Variants in GRM8 observed in about 807,000 individuals in gnomAD.
GRM8 encodes glutamate metabotropic receptor 8.
GRM8 carries 47 observed loss-of-function variants against 87.2 expected under a neutral mutation model. The ratio of observed to expected loss-of-function variants is 0.54; its 90% CI spans 0.43 to 0.69. The LOEUF (loss-of-function observed/expected upper bound fraction) is 0.69, where lower values mean the gene tolerates loss of function less well. Among genes scored for constraint, GRM8 ranks in the 30% least tolerant of loss-of-function variants. GRM8 has a pLI of 0.00. For missense variants in GRM8, 1,019 were observed against 1,139.2 expected, an observed-to-expected ratio of 0.89 and a Z score of 1.52; for synonymous variants, 396 against 404.5, an observed-to-expected ratio of 0.98 and a Z score of 0.25.
At chr7:127,200,372 A>AG (rs1384200843) in intron 2 of GRM8, among the ~76,000 whole-genome samples, 1 of 152,224 alleles carries the variant, frequency 6.6e-6, no homozygotes, top group Non-Finnish European at 1.5e-5. Flanking sequence ...ATTTCAGTAA[A>AG]GTTATAAGAC....
intron 9 of GRM8, among the ~76,000 whole-genome samples, chr7:126,515,297 C>T (rs958849764): frequency 6.6e-6 from 1 of 152,040 alleles, no homozygotes; most frequent in African/African-American, 2.4e-5. Flanking sequence ...ATTGTACATT[C>T]ATATCCTTTG....
intron 8 of GRM8, among the ~76,000 whole-genome samples, chr7:126,592,432 A>G (rs1360072611): frequency 6.6e-6 from 1 of 152,044 alleles, no homozygotes; most frequent in African/African-American, 2.4e-5. Flanking sequence ...GATCTTCAGC[A>G]TTATCAAATG....
intron 2 of GRM8, among the ~76,000 whole-genome samples, chr7:127,224,138 A>G (rs1305111878): frequency 6.6e-6 from 1 of 152,180 alleles, no homozygotes; most frequent in Non-Finnish European, 1.5e-5. Flanking sequence ...AAAAGAGGGT[A>G]GGGCTAGAAA....
chr7:127,083,891 C>G lies in GRM8; in HGVS notation c.727+22605G>C, dbSNP rs569340235. On this transcript the variant is annotated intron_variant, in intron 3 of 10. Coordinates refer to ENST00000339582, the MANE Select transcript of GRM8 (RefSeq NM_000845.3). ...TTACCAACCACTGTAAGTAACACCC[C>G]CTCTAGACTATAAATCCCTAGGAGA... Among the ~76,000 whole-genome samples, 24 of 152,238 alleles carry G rather than the reference C, an allele frequency of 1.6e-4. No homozygotes were observed. In the East Asian group the frequency reaches 2.7e-3, roughly 17 times the overall value.
intron 8 of GRM8, among the ~76,000 whole-genome samples, chr7:126,585,756 T>C (rs1045444261): frequency 6.6e-6 from 1 of 152,146 alleles, no homozygotes; most frequent in Admixed American, 6.6e-5. Flanking sequence ...AAGCATTCCC[T>C]TTGAAAACTG....
intron 7 of GRM8, among the ~76,000 whole-genome samples, chr7:126,623,179 A>G (rs1017450292): frequency 1.3e-5 from 2 of 152,196 alleles, no homozygotes; most frequent in East Asian, 1.9e-4. Flanking sequence ...TCATACATGT[A>G]CCACATTCAT....
chr7:126,526,813 A>G (rs1269029800), intron 9 of GRM8, among the ~76,000 whole-genome samples: 2 of 152,254 alleles, frequency 1.3e-5, no homozygotes, highest in South Asian at 2.1e-4. Flanking sequence ...TGTGCCCTAC[A>G]TGAGAATTCC....
At position 126,559,907 on chromosome 7, in the gene GRM8, A is replaced by G. The variant is rs532313039; in HGVS notation, c.1495-26020T>C. ...TATTTTCTCTTTGAAATTCTCTTCAATCACTCTCCAGTCCTGAATAGCAGC... is the reference window on the plus strand; with the variant it reads ...TATTTTCTCTTTGAAATTCTCTTCAGTCACTCTCCAGTCCTGAATAGCAGC... On this transcript the variant is annotated intron_variant, in intron 8 of 10. Transcript: ENST00000339582. Among the ~76,000 whole-genome samples the G allele has an allele frequency of 9.8e-5, 15 of 152,314 alleles. No homozygotes were observed. In the East Asian group the frequency reaches 2.5e-3, roughly 25 times the overall value.
In GRM8 at chr7:126,609,432, T is replaced by C. The variant is rs777034787; in HGVS notation, c.1424A>G (p.Gln475Arg). The C allele has an allele frequency of 9.9e-6, 16 of 1,611,600 alleles. No individual in the cohort carries two copies. The East Asian group carries it at 3.3e-4, about 34-fold the overall frequency. The change falls in exon 8 of 11, where the codon CAG becomes CGG. Residue 475 changes from glutamine to arginine, a missense_variant. Transcript: ENST00000339582. ...GDAPGRYDIF[Q>R]YQITNKSTEY... ...TGTGCTTTTGTTGGTTATTTGATACTGGAAGATATCATAACGTCCAGGAGC... is the reference window on the plus strand; with the variant it reads ...TGTGCTTTTGTTGGTTATTTGATACCGGAAGATATCATAACGTCCAGGAGC...
intron 3 of GRM8, among the ~76,000 whole-genome samples, chr7:127,017,276 A>C (rs1439872518): frequency 2.0e-5 from 3 of 152,066 alleles, no homozygotes; most frequent in Non-Finnish European, 4.4e-5. Flanking sequence ...CAAATTATCT[A>C]AATTGATTAT....
At chr7:126,888,261 T>A (rs2131057934) in intron 6 of GRM8, among the ~76,000 whole-genome samples, 1 of 152,230 alleles carries the variant, frequency 6.6e-6, no homozygotes, top group Admixed American at 6.5e-5. Context: ...TTCAGACCTA[T>A]GCCTTCACTC....
chr7:126,764,896 T>C (rs1196826379), intron 7 of GRM8, among the ~76,000 whole-genome samples: 1 of 152,072 alleles, frequency 6.6e-6, no homozygotes, highest in Non-Finnish European at 1.5e-5. Flanking sequence ...GAGATTCAGA[T>C]ACCTAGACAT....
At chr7:126,977,470 A>G (rs1018752048) in intron 3 of GRM8, among the ~76,000 whole-genome samples, 1 of 152,236 alleles carries the variant, frequency 6.6e-6, no homozygotes, top group African/African-American at 2.4e-5. Context: ...AGGACAACAC[A>G]ATATCTGGAG....
At chr7:126,517,977 TTTTTC>T in intron 9 of GRM8, among the ~76,000 whole-genome samples, 1 of 152,028 alleles carries the variant, frequency 6.6e-6, no homozygotes, top group South Asian at 2.1e-4. Context: ...AAGTGTTGGC[TTTTTC>T]TTAGGTTCCA....
chr7:126,697,410 A>G (rs1809502565), intron 7 of GRM8, among the ~76,000 whole-genome samples: 1 of 152,204 alleles, frequency 6.6e-6, no homozygotes, highest in Non-Finnish European at 1.5e-5. Flanking sequence ...CCACCAAAAA[A>G]TAAAAAAGAA....
At chr7:126,563,736 A>G (rs149368917) in intron 8 of GRM8, among the ~76,000 whole-genome samples, 47 of 152,338 alleles carry the variant, frequency 3.1e-4, no homozygotes, top group African/African-American at 1.1e-3. Flanking sequence ...GTAGCTGCAT[A>G]AAAAGATATC....
intron 8 of GRM8, among the ~76,000 whole-genome samples, chr7:126,546,253 C>T (rs7806558): frequency 0.57 from 86,777 of 152,002 alleles, 25,584 homozygotes; most frequent in East Asian, 0.83. Flanking sequence ...TAAAGAAATA[C>T]AGAACAGTAG....
chr7:126,693,233 C>A (rs1809014727), intron 7 of GRM8, among the ~76,000 whole-genome samples: 1 of 152,142 alleles, frequency 6.6e-6, no homozygotes, highest in African/African-American at 2.4e-5. Flanking sequence ...CAGTGTTATA[C>A]TAACATTATT....
At chr7:126,786,625 C>T (rs879475359) in intron 6 of GRM8, among the ~76,000 whole-genome samples, 5 of 152,150 alleles carry the variant, frequency 3.3e-5, no homozygotes, top group South Asian at 2.1e-4. Context: ...AGATTTATGT[C>T]CTACCTGTAC....
Sources: allele counts gnomAD v4.1 joint callset (sites outside exome capture counted in the v4.1 genomes callset), GRCh38; gene constraint gnomAD v4.1.1; transcripts MANE v1.5; gene names NCBI Gene and HGNC (gene_info 2026-07-23, HGNC 2026-07-21).